IL15: variants seen among roughly 807,000 people sequenced by gnomAD.
IL15 encodes the protein interleukin-15.
A neutral mutation model predicts 19.6 loss-of-function variants in IL15; 11 were observed. The observed-to-expected ratio is 0.56, with a 90% CI of 0.35 to 0.93. The LOEUF is 0.93. IL15 is among the 40% of genes least tolerant of loss of function. The pLI, the probability that IL15 is intolerant of heterozygous loss-of-function variation, is 0.01. For missense variants in IL15, 197 were observed against 186.5 expected (o/e 1.06, Z -0.33); for synonymous variants, 58 against 59.6 (o/e 0.97, Z 0.12).
chr4:141,725,524 G>C (rs558958987), intron 5 of IL15, among the ~76,000 whole-genome samples: 1 of 152,280 alleles, frequency 6.6e-6, no homozygotes, highest in South Asian at 2.1e-4. Context: ...CTAGCCTCCT[G>C]AATTGTGAGA....
chr4:141,678,954 A>AAC (rs1347091319), intron 2 of IL15, among the ~76,000 whole-genome samples: 1 of 152,224 alleles, frequency 6.6e-6, no homozygotes, highest in African/African-American at 2.4e-5. Context: ...TTAGGTTGTT[A>AAC]AGTGTAACAT....
In IL15 at chr4:141,685,112, G is replaced by A. The variant is rs560721512; in HGVS notation, c.-100+28805G>A. Among the ~76,000 whole-genome samples, 12 of 152,214 alleles carry A rather than the reference G, an allele frequency of 7.9e-5. No homozygotes were observed. In the South Asian group the frequency reaches 1.9e-3, roughly 24 times the overall value. ...ATTAAACTTCTGTCATGTACGTTGC[G>A]ATGTTATACACTATAGGAGATACAT... On this transcript the variant is annotated intron_variant, in intron 2 of 7. Transcript: ENST00000320650.
intron 2 of IL15, among the ~76,000 whole-genome samples, chr4:141,664,083 A>G (rs1168030536): frequency 1.3e-5 from 2 of 152,160 alleles, no homozygotes; most frequent in Non-Finnish European, 2.9e-5. Flanking sequence ...TATAAATCAG[A>G]TAAGGATGCA....
intron 2 of IL15, among the ~76,000 whole-genome samples, chr4:141,669,401 C>T (rs765825090): frequency 2.6e-5 from 4 of 151,984 alleles, no homozygotes; most frequent in Non-Finnish European, 5.9e-5. Context: ...AGTGAGACAG[C>T]GATTGTATTT....
chr4:141,729,848 C>A lies in IL15; in HGVS notation c.242C>A (p.Pro81His). The A allele has an allele frequency of 3.3e-6, 5 of 1,520,466 alleles. No homozygotes were observed. The highest frequency in any genetic ancestry group is 1.2e-5 in the South Asian group (1 of 85,832). 94.2% of individuals were successfully genotyped at this position (1,520,466 alleles called of 1,614,324 possible). ...ATLYTESDVH[P>H]SCKVTAMKCF... is the part of the protein sequence containing the mutation. ...GTTCTTTATAACTTTTATTTTTAGC[C>A]CAGTTGCAAAGTAACAGCAATGAAG... The change falls in exon 7 of 8, where the codon CCC becomes CAC. Residue 81 changes from proline (P) to histidine (H), a missense_variant and splice_region_variant. Physicochemically the swap from Pro to His is moderately conservative, Grantham distance 77. Coordinates refer to ENST00000320650, the MANE Select transcript of IL15 (RefSeq NM_000585.5).
At chr4:141,706,354 T>C (rs1223221885) in intron 2 of IL15, among the ~76,000 whole-genome samples, 2 of 152,082 alleles carry the variant, frequency 1.3e-5, no homozygotes, top group Non-Finnish European at 2.9e-5. Flanking sequence ...TTACTATTTA[T>C]ATATTTGTTT....
intron 2 of IL15, among the ~76,000 whole-genome samples, chr4:141,684,649 T>C (rs754363994): frequency 1.3e-5 from 2 of 152,224 alleles, no homozygotes. Context: ...CTATATTAGC[T>C]TGGAATATCC....
chr4:141,647,410 G>C (rs111421959), intron 1 of IL15, among the ~76,000 whole-genome samples: 390 of 152,094 alleles, frequency 2.6e-3, no homozygotes, highest in African/African-American at 8.5e-3. Flanking sequence ...ATTGAAGATT[G>C]GATAAGCTAT....
intron 1 of IL15, among the ~76,000 whole-genome samples, chr4:141,649,986 G>A (rs1190156873): frequency 6.6e-6 from 1 of 152,144 alleles, no homozygotes; most frequent in Non-Finnish European, 1.5e-5. Flanking sequence ...GAGGATGCCA[G>A]TGTTGGCACA....
At chr4:141,701,171 G>C (rs1370176178) in intron 2 of IL15, among the ~76,000 whole-genome samples, 1 of 152,010 alleles carries the variant, frequency 6.6e-6, no homozygotes, top group Non-Finnish European at 1.5e-5. Flanking sequence ...GATCTTTTGG[G>C]GGTGTTATAG....
chr4:141,643,576 C>G (rs532228593), intron 1 of IL15, among the ~76,000 whole-genome samples: 82 of 152,244 alleles, frequency 5.4e-4, no homozygotes, highest in African/African-American at 2.0e-3. Flanking sequence ...AAGCCACTCC[C>G]CTTCTCCTTA....
rs1727600910 is a variant in IL15, at chr4:141,656,423, A to C, written c.-100+116A>C. The C allele has an allele frequency of 2.8e-5, 11 of 393,900 alleles. No individual in the cohort carries two copies. The South Asian group carries it at 1.4e-3, about 51-fold the overall frequency. 24.4% of individuals were successfully genotyped at this position (393,900 alleles called of 1,614,324 possible). On this transcript the variant is annotated intron_variant, in intron 2 of 7. Transcript: ENST00000320650. The stretch of plus-strand genomic sequence containing the variant: ...GAAGTTATATATACTCACAGCTTTT[A>C]AAATGAGCATCTTGGTTTAAAAAAT...
rs184337437 is a variant in IL15 at position 141,707,778 on chromosome 4, G to A, written c.-99-11588G>A. On this transcript the variant is annotated intron_variant, in intron 2 of 7. Transcript: ENST00000320650. ...TGGTTTTCAGGTTGGGCATGTGGGG[G>A]CACAGAGAGCTGACAAGCTGTCTGG... Among the ~76,000 whole-genome samples, 125 of 152,268 alleles carry A rather than the reference G, an allele frequency of 8.2e-4. 3 individuals carry two copies. The East Asian group carries it at 0.019, about 24-fold the overall frequency.
intron 2 of IL15, among the ~76,000 whole-genome samples, chr4:141,706,471 A>T (rs1207391211): frequency 6.6e-6 from 1 of 152,126 alleles, no homozygotes; most frequent in Non-Finnish European, 1.5e-5. Flanking sequence ...TTACAGCGCT[A>T]GGATATTCTG....
intron 2 of IL15, among the ~76,000 whole-genome samples, chr4:141,712,251 A>C (rs1579043808): frequency 6.6e-6 from 1 of 152,086 alleles, no homozygotes; most frequent in African/African-American, 2.4e-5. Context: ...CACCTTAGTG[A>C]GTGTTTGAAT....
chr4:141,720,537 T>C lies in IL15; in HGVS notation c.81T>C (p.Thr27=). Residue 27 remains threonine, a synonymous_variant, in exon 4 of 8, where the codon ACT becomes ACC. Coordinates refer to ENST00000320650, the MANE Select transcript of IL15 (RefSeq NM_000585.5). ...TACTTCTAAACAGTCATTTTCTAAC[T>C]GAAGCTGGCATTCATGTCTTCATTT... The part of the protein sequence containing the change: ...LCLLLNSHFL[T]EAGIHVFILG... 6.3e-7 allele frequency: 1 copy of C among 1,587,086 alleles called. No homozygotes were observed. The highest frequency in any genetic ancestry group is 8.7e-7 in the Non-Finnish European group (1 of 1,155,744).
At chr4:141,709,627 G>C (rs371042807) in intron 2 of IL15, among the ~76,000 whole-genome samples, 23 of 151,934 alleles carry the variant, frequency 1.5e-4, no homozygotes, top group African/African-American at 4.4e-4. Flanking sequence ...TTCTGTATAT[G>C]TTTAAATTTC....
chr4:141,642,168 G>T (rs989779013), intron 1 of IL15, among the ~76,000 whole-genome samples: 1 of 152,056 alleles, frequency 6.6e-6, no homozygotes, highest in Non-Finnish European at 1.5e-5. Flanking sequence ...CCCTGGTGAG[G>T]CAAGGCACAT....
intron 2 of IL15, among the ~76,000 whole-genome samples, chr4:141,676,383 A>C (rs1050859251): frequency 2.0e-5 from 3 of 152,176 alleles, no homozygotes; most frequent in Non-Finnish European, 2.9e-5. Flanking sequence ...TGCAAGTAAA[A>C]TTCTTTTGAT....
Sources: gnomAD v4.1 joint callset for allele counts (sites outside exome capture counted in the v4.1 genomes callset) on GRCh38, gnomAD v4.1.1 for gene constraint, MANE v1.5 for transcripts, NCBI Gene and HGNC (gene_info 2026-07-23, HGNC 2026-07-21) for gene names.